Variants in ST6GALNAC5 observed in about 807,000 individuals in gnomAD.
ST6GALNAC5 encodes the protein alpha-N-acetylgalactosaminide alpha-2,6-sialyltransferase 5.
In ST6GALNAC5, 27 loss-of-function variants were observed where a neutral mutation model predicts 33.6. The ratio of observed to expected loss-of-function variants is 0.80; its 90% confidence interval spans 0.59 to 1.11. The LOEUF is 1.11. Ranked by LOEUF, ST6GALNAC5 falls within the 50% of genes least tolerant of loss-of-function variation. ST6GALNAC5 has a pLI of 0.00. For synonymous variants in ST6GALNAC5, 194 were observed against 171.2 expected, an observed-to-expected ratio of 1.13 and a Z score of -1.04; for missense variants, 428 against 454.0, an observed-to-expected ratio of 0.94 and a Z score of 0.52.
intron 2 of ST6GALNAC5, among the ~76,000 whole-genome samples, chr1:76,887,162 T>TCCC: frequency 6.6e-6 from 1 of 152,278 alleles, no homozygotes; most frequent in East Asian, 1.9e-4. Flanking sequence ...AAAATAGAAA[T>TCCC]TTCTTTATAA....
chr1:76,900,434 T>G (rs1396673433), intron 2 of ST6GALNAC5, among the ~76,000 whole-genome samples: 2 of 152,194 alleles, frequency 1.3e-5, no homozygotes, highest in Non-Finnish European at 2.9e-5. Context: ...CTACAATTAT[T>G]AAAGATTTTA....
chr1:76,934,178 C>T (rs907797520), intron 2 of ST6GALNAC5, among the ~76,000 whole-genome samples: 1 of 152,012 alleles, frequency 6.6e-6, no homozygotes, highest in African/African-American at 2.4e-5. Flanking sequence ...AGTGTGGATT[C>T]AGTTCAAACT....
chr1:77,057,590 T>C (rs1652443055), intron 4 of ST6GALNAC5, among the ~76,000 whole-genome samples: 1 of 152,210 alleles, frequency 6.6e-6, no homozygotes, highest in African/African-American at 2.4e-5. Context: ...TTTTGACATT[T>C]CCTTGTCTTT....
intron 2 of ST6GALNAC5, among the ~76,000 whole-genome samples, chr1:76,975,667 C>T (rs1648980486): frequency 1.3e-5 from 2 of 151,932 alleles, no homozygotes; most frequent in Non-Finnish European, 2.9e-5. Context: ...AAAGCAGACA[C>T]AAAAGAATAT....
At chr1:77,034,037 C>G (rs1057470745) in intron 2 of ST6GALNAC5, among the ~76,000 whole-genome samples, 1 of 152,036 alleles carries the variant, frequency 6.6e-6, no homozygotes, top group African/African-American at 2.4e-5. Flanking sequence ...GGGTAGCGAC[C>G]TTGTTGGTGG....
intron 2 of ST6GALNAC5, among the ~76,000 whole-genome samples, chr1:76,884,075 G>T (rs565816611): frequency 2.0e-5 from 3 of 152,326 alleles, no homozygotes; most frequent in South Asian, 2.1e-4. Context: ...GCCATAGGTT[G>T]TAGGAAGAGG....
At chr1:77,013,399 G>T (rs927224685) in intron 2 of ST6GALNAC5, among the ~76,000 whole-genome samples, 4 of 152,204 alleles carry the variant, frequency 2.6e-5, no homozygotes, top group African/African-American at 9.7e-5. Flanking sequence ...AAGTAATCAG[G>T]CATGGGGCTA....
Position 77,066,680 on chromosome 1 carries a change from T to C in ST6GALNAC5, c.*3474T>C, listed in dbSNP as rs1652789484. On this transcript the variant is annotated 3_prime_UTR_variant, in exon 5 of 5. Transcript: ENST00000477717. ...AAATAAACCTACTCTGAAAGAAGGG[T>C]CCATGTTCCTATTCTCTCTCTGCAG... Among the ~76,000 whole-genome samples the C allele has an allele frequency of 6.6e-6, 1 of 152,176 alleles. No individual in the cohort carries two copies. Among genetic ancestry groups the C allele is most frequent in the Admixed American group, 6.5e-5 (1 of 15,278 alleles).
At chr1:76,974,129 A>T (rs2100369260) in intron 2 of ST6GALNAC5, among the ~76,000 whole-genome samples, 1 of 151,508 alleles carries the variant, frequency 6.6e-6, no homozygotes, top group East Asian at 1.9e-4. Context: ...ATTAGTGAAG[A>T]TTGACATCTT....
chr1:76,969,190 G>A (rs1648630618), intron 2 of ST6GALNAC5, among the ~76,000 whole-genome samples: 1 of 152,198 alleles, frequency 6.6e-6, no homozygotes, highest in Admixed American at 6.5e-5. Flanking sequence ...GTAGCCCATG[G>A]AGGGCAAGCC....
Position 76,999,446 on chromosome 1 carries a change from G to T in ST6GALNAC5, c.262-44758G>T, listed in dbSNP as rs148986433. 2.1e-4 allele frequency among the ~76,000 whole-genome samples: 31 copies of T among 151,032 alleles called. No homozygotes were observed. The East Asian group carries it at 4.7e-3, about 23-fold the overall frequency. ...CTGCTGTGGAAATGGTGACTTGGTT[G>T]ATCTAGGTTCTGGTCCAGAAATGTG... On this transcript the variant is annotated intron_variant, in intron 2 of 4. Transcript: ENST00000477717.
intron 2 of ST6GALNAC5, among the ~76,000 whole-genome samples, chr1:76,880,246 C>T (rs976322167): frequency 5.3e-5 from 8 of 152,164 alleles, no homozygotes; most frequent in African/African-American, 1.9e-4. Flanking sequence ...GCATAACTCT[C>T]TAAACAGTTT....
At chr1:77,009,045 A>G (rs2100421418) in intron 2 of ST6GALNAC5, among the ~76,000 whole-genome samples, 1 of 152,308 alleles carries the variant, frequency 6.6e-6, no homozygotes, top group East Asian at 1.9e-4. Flanking sequence ...GCTCTTGGCC[A>G]CTATTTGAGC....
At chr1:76,968,822 T>C (rs1229323850) in intron 2 of ST6GALNAC5, among the ~76,000 whole-genome samples, 2 of 152,202 alleles carry the variant, frequency 1.3e-5, no homozygotes, top group Admixed American at 1.3e-4. Flanking sequence ...AGGATTTTAT[T>C]TCTCCTTCAC....
At chr1:76,901,289 T>C (rs1319955458) in intron 2 of ST6GALNAC5, among the ~76,000 whole-genome samples, 1 of 152,208 alleles carries the variant, frequency 6.6e-6, no homozygotes, top group Non-Finnish European at 1.5e-5. Context: ...CATCACAACA[T>C]GCTGGTCAGC....
rs1215333640 is a variant in ST6GALNAC5 at position 77,065,493 on chromosome 1, T to C, written c.*2287T>C. 1 of 152,208 alleles carries C rather than the reference T, an allele frequency of 6.6e-6. No homozygotes were observed. The highest frequency in any genetic ancestry group is 1.5e-5 in the Non-Finnish European group (1 of 68,040). 9.4% of individuals were successfully genotyped at this position (152,208 alleles called of 1,614,324 possible). ...TTTAAATCTACATGTAGCTAGGATA[T>C]GTGATTTCATATTTTTTAAAAATGT... On this transcript the variant is annotated 3_prime_UTR_variant, in exon 5 of 5. Transcript: ENST00000477717.
chr1:76,982,557 T>C (rs1649300090), intron 2 of ST6GALNAC5, among the ~76,000 whole-genome samples: 1 of 152,186 alleles, frequency 6.6e-6, no homozygotes, highest in Non-Finnish European at 1.5e-5. Context: ...CTGAAAGTGA[T>C]GGGCGGATGA....
At chr1:76,933,431 A>G (rs1222033592) in intron 2 of ST6GALNAC5, among the ~76,000 whole-genome samples, 2 of 152,020 alleles carry the variant, frequency 1.3e-5, no homozygotes, top group African/African-American at 4.8e-5. Context: ...AAATAAACAA[A>G]TATAATATGT....
At chr1:76,914,511 CA>C (rs1646948622) in intron 2 of ST6GALNAC5, among the ~76,000 whole-genome samples, 1 of 152,120 alleles carries the variant, frequency 6.6e-6, no homozygotes, top group Admixed American at 6.6e-5. Context: ...CAATGGAACA[CA>C]ACAGAGCCCT....
Sources: gnomAD v4.1 joint callset for allele counts (sites outside exome capture counted in the v4.1 genomes callset) on GRCh38, gnomAD v4.1.1 for gene constraint, MANE v1.5 for transcripts, NCBI Gene and HGNC (gene_info 2026-07-23, HGNC 2026-07-21) for gene names.